Variants in CACNA2D1 observed in about 807,000 individuals in gnomAD.
CACNA2D1 encodes the protein calcium voltage-gated channel auxiliary subunit alpha2delta 1, also known as voltage-dependent calcium channel subunit alpha-2/delta-1.
CACNA2D1 carries 53 observed loss-of-function variants against 171.5 expected under a neutral mutation model. That is an observed-to-expected ratio of 0.31 (90% CI 0.25 to 0.39). The LOEUF is 0.39. CACNA2D1 is among the 10% of genes least tolerant of loss of function. The probability of loss-of-function intolerance (pLI) is 1.00; values close to 1 mark genes in which losing one functional copy is unlikely to be tolerated. For synonymous variants in CACNA2D1, 442 were observed against 443.1 expected (o/e 1.00, Z 0.03); for missense variants, 903 against 1,299.8 (o/e 0.69, Z 4.69).
At chr7:82,057,300 G>A (rs1272310807) in intron 10 of CACNA2D1, among the ~76,000 whole-genome samples, 1 of 152,036 alleles carries the variant, frequency 6.6e-6, no homozygotes, top group African/African-American at 2.4e-5. Context: ...AAGGCAGAAT[G>A]TATCAATATG....
chr7:82,064,422 A>T, intron 8 of CACNA2D1, 68 bp from the exon 9 acceptor site: 1 of 1,184,028 alleles, frequency 8.4e-7, no homozygotes, highest in Non-Finnish European at 1.3e-6. Flanking sequence ...TGTTGAATTG[A>T]TATTTACTGA....
intron 3 of CACNA2D1, among the ~76,000 whole-genome samples, chr7:82,221,735 C>A (rs1006129271): frequency 6.7e-6 from 1 of 148,736 alleles, no homozygotes; most frequent in Admixed American, 6.7e-5. Flanking sequence ...CAGAGTGAGA[C>A]TCCATCTCAA....
intron 5 of CACNA2D1, among the ~76,000 whole-genome samples, chr7:82,119,501 G>A (rs920475789): frequency 6.6e-6 from 1 of 152,048 alleles, no homozygotes; most frequent in African/African-American, 2.4e-5. Flanking sequence ...TCTTTGACAG[G>A]TACAAAAAGC....
intron 1 of CACNA2D1, among the ~76,000 whole-genome samples, chr7:82,392,166 C>T (rs1409445682): frequency 6.6e-6 from 1 of 152,186 alleles, no homozygotes; most frequent in Non-Finnish European, 1.5e-5. Flanking sequence ...TAAACCTACC[C>T]TTCCCTAATT....
At chr7:82,223,057 C>T (rs1801965583) in intron 3 of CACNA2D1, among the ~76,000 whole-genome samples, 1 of 151,912 alleles carries the variant, frequency 6.6e-6, no homozygotes, top group Admixed American at 6.6e-5. Context: ...GCACATGTCA[C>T]CACACCCAGC....
intron 20 of CACNA2D1, 99 bp from the exon 21 acceptor site, chr7:81,991,345 T>G: frequency 1.4e-6 from 1 of 720,790 alleles, no homozygotes; most frequent in Middle Eastern, 3.4e-4. Flanking sequence ...TTGTAGTCAT[T>G]TAATACTCAT....
rs567461250 is a variant in CACNA2D1, at chr7:82,428,263, T to C, written c.95+15102A>G. 3.3e-5 allele frequency among the ~76,000 whole-genome samples: 5 copies of C among 152,298 alleles called. 1 individual carries two copies. In the South Asian group the frequency reaches 8.3e-4, roughly 25 times the overall value. On this transcript the variant is annotated intron_variant, in intron 1 of 38. Coordinates refer to ENST00000356860, the MANE Select transcript of CACNA2D1 (RefSeq NM_000722.4). ...AAATCCATTTAAATTATAGGAGACCTGTGTAACTTGACAGGAATCTGTACT... is the reference window on the plus strand; with the variant it reads ...AAATCCATTTAAATTATAGGAGACCCGTGTAACTTGACAGGAATCTGTACT...
chr7:82,102,868 GAGCAATGAAGTATCTACTA>G (rs1202754303), intron 6 of CACNA2D1, among the ~76,000 whole-genome samples: 1 of 152,152 alleles, frequency 6.6e-6, no homozygotes, highest in East Asian at 1.9e-4. Flanking sequence ...AGATTCCTTT[GAGCAATGAAGTATCTACTA>G]AGCCTTGTCA....
intron 1 of CACNA2D1, among the ~76,000 whole-genome samples, chr7:82,370,326 T>C (rs1277943719): frequency 6.6e-6 from 1 of 152,098 alleles, no homozygotes; most frequent in Non-Finnish European, 1.5e-5. Flanking sequence ...CAAGGTTAAG[T>C]ATGAAATTTT....
intron 4 of CACNA2D1, among the ~76,000 whole-genome samples, chr7:82,138,449 G>GTTTTTTTT (rs5885271): frequency 3.0e-5 from 3 of 101,538 alleles, no homozygotes; most frequent in Non-Finnish European, 6.2e-5. Context: ...TGTTTTTTTT[G>GTTTTTTTT]TTTTTTTTTT....
chr7:82,196,716 G>C (rs1451316637), intron 3 of CACNA2D1, among the ~76,000 whole-genome samples: 1 of 151,852 alleles, frequency 6.6e-6, no homozygotes, highest in Non-Finnish European at 1.5e-5. Flanking sequence ...GAACAAAATA[G>C]ACTCCGATTT....
intron 11 of CACNA2D1, among the ~76,000 whole-genome samples, chr7:82,036,198 C>T (rs1317749275): frequency 6.6e-6 from 1 of 152,088 alleles, no homozygotes; most frequent in African/African-American, 2.4e-5. Flanking sequence ...TCCTTAATAG[C>T]TCCTCACTTC....
At chr7:82,194,683 C>T (rs1798679004) in intron 3 of CACNA2D1, among the ~76,000 whole-genome samples, 1 of 151,804 alleles carries the variant, frequency 6.6e-6, no homozygotes, top group South Asian at 2.1e-4. Context: ...AAAACATCTT[C>T]AGATTTGGGG....
intron 24 of CACNA2D1, among the ~76,000 whole-genome samples, chr7:81,976,877 C>T (rs1451168241): frequency 2.0e-5 from 3 of 152,018 alleles, no homozygotes; most frequent in Non-Finnish European, 4.4e-5. Flanking sequence ...AAAAGGAATG[C>T]TTGTGATTTT....
rs1054668607 is a variant in CACNA2D1, at chr7:81,965,752, C to A, written c.2503-87G>T. 2.4e-5 allele frequency: 19 copies of A among 803,884 alleles called. No individual in the cohort carries two copies. The Admixed American group carries it at 3.4e-4, about 14-fold the overall frequency. 49.8% of individuals were successfully genotyped at this position (803,884 alleles called of 1,614,324 possible). A position where few individuals can be genotyped will look rare whatever the true frequency, so the allele number is the denominator to read the frequency against. On this transcript the variant is annotated intron_variant, in intron 31 of 38. Coordinates refer to ENST00000356860, the MANE Select transcript of CACNA2D1 (RefSeq NM_000722.4). ...TACCCCATTATATACATGATTAGAG[C>A]AATAAAAATAGAAAATTTTAAATGC...
rs1793025584 is a variant in CACNA2D1 at position 81,954,778 on chromosome 7, T to TTCAGGTAAGTCTGTACTAAAGTTACC, written c.3160-4296_3160-4271dup. 2.6e-5 allele frequency among the ~76,000 whole-genome samples: 4 copies of TTCAGGTAAGTCTGTACTAAAGTTACC among 152,104 alleles called. No homozygotes were observed. In the South Asian group the frequency reaches 8.3e-4, roughly 31 times the overall value. Reference sequence around the variant, plus strand: ...ATCAAATCATGGACTAACTTTTGAATTCAGGTAAGTCTGTACTAAAGTTAC... The same window carrying TTCAGGTAAGTCTGTACTAAAGTTACC: ...ATCAAATCATGGACTAACTTTTGAATTCAGGTAAGTCTGTACTAAAGTTACCTCAGGTAAGTCTGTACTAAAGTTAC... On this transcript the variant is annotated intron_variant, in intron 38 of 38. Transcript: ENST00000356860.
At chr7:82,122,260 C>T (rs965845801) in intron 5 of CACNA2D1, among the ~76,000 whole-genome samples, 1 of 152,170 alleles carries the variant, frequency 6.6e-6, no homozygotes, top group African/African-American at 2.4e-5. Context: ...AAATGCAATA[C>T]TGATCCCTGC....
At chr7:82,362,169 A>G (rs1563429253) in intron 1 of CACNA2D1, among the ~76,000 whole-genome samples, 2 of 152,200 alleles carry the variant, frequency 1.3e-5, no homozygotes, top group South Asian at 2.1e-4. Context: ...AAGAATCATG[A>G]AGCAGCCAGT....
At chr7:82,440,185 C>A (rs1470269927) in intron 1 of CACNA2D1, among the ~76,000 whole-genome samples, 4 of 151,752 alleles carry the variant, frequency 2.6e-5, no homozygotes, top group Admixed American at 6.5e-5. Context: ...CCCTGTATAC[C>A]AATAGGCTCT....
Sources: gnomAD v4.1 joint callset for allele counts (sites outside exome capture counted in the v4.1 genomes callset) on GRCh38, gnomAD v4.1.1 for gene constraint, MANE v1.5 for transcripts, NCBI Gene and HGNC (gene_info 2026-07-23, HGNC 2026-07-21) for gene names.